DBN1: variants seen among roughly 807,000 people sequenced by gnomAD.
The protein encoded by DBN1 is drebrin 1, also known as drebrin.
A neutral mutation model predicts 83.5 loss-of-function variants in DBN1; 21 were observed. The observed-to-expected ratio is 0.25, with a 90% CI of 0.18 to 0.36. The LOEUF is 0.36. Among genes scored for constraint, DBN1 ranks in the 10% least tolerant of loss-of-function variants. The probability of loss-of-function intolerance (pLI) is 1.00; values close to 1 mark genes in which losing one functional copy is unlikely to be tolerated. For synonymous variants in DBN1, 381 were observed against 384.9 expected (o/e 0.99, Z 0.12); for missense variants, 874 against 935.7 (o/e 0.93, Z 0.86).
intron 1 of DBN1, among the ~76,000 whole-genome samples, chr5:177,469,273 G>C (rs959977012): frequency 6.6e-6 from 1 of 152,032 alleles, no homozygotes; most frequent in African/African-American, 2.4e-5. Flanking sequence ...CCATTGGCTA[G>C]TGCCAGGAAC....
At position 177,456,657 on chromosome 5, in the gene DBN1, A is replaced by G. The variant is rs1756489764; in HGVS notation, c.*776T>C. On this transcript the variant is annotated 3_prime_UTR_variant, in exon 15 of 15. Transcript: ENST00000393565. ...AACAGACATGAGCACGACCCGTTAC[A>G]GAAGTTTGTGCTTTCCAAAAAAAAA... The G allele has an allele frequency of 7.5e-6, 1 of 132,668 alleles. No homozygotes were observed. The highest frequency in any genetic ancestry group is 2.8e-5 in the African/African-American group (1 of 36,000). 8.2% of individuals were successfully genotyped at this position (132,668 alleles called of 1,614,324 possible). A position where few individuals can be genotyped will look rare whatever the true frequency, so the allele number is the denominator to read the frequency against.
chr5:177,462,503 G>C, intron 8 of DBN1: 1 of 717,112 alleles, frequency 1.4e-6, no homozygotes, highest in Non-Finnish European at 1.7e-6. Context: ...CACATCCTAA[G>C]TTCCTGTTTC....
chr5:177,468,288 C>G, intron 2 of DBN1, 68 bp from the exon 3 acceptor site: 1 of 1,433,628 alleles, frequency 7.0e-7, no homozygotes, highest in Non-Finnish European at 9.8e-7. Context: ...GCCTGGAACT[C>G]AAAGCAAAGA....
chr5:177,472,082 GC>G, intron 1 of DBN1: 2 of 1,587,834 alleles, frequency 1.3e-6, no homozygotes, highest in African/African-American at 2.7e-5. Context: ...TGGGCCGCCT[GC>G]CTGCTGAGCC....
chr5:177,473,630 G>T lies in DBN1; in HGVS notation c.-109C>A. 1.8e-6 allele frequency: 1 copy of T among 569,476 alleles called. No individual in the cohort carries two copies. Among genetic ancestry groups the T allele is most frequent in the Non-Finnish European group, 2.4e-6 (1 of 411,764 alleles). 35.3% of individuals were successfully genotyped at this position (569,476 alleles called of 1,614,324 possible). On this transcript the variant is annotated 5_prime_UTR_variant, in exon 1 of 15. Coordinates refer to ENST00000393565, the MANE Select transcript of DBN1 (RefSeq NM_001363541.2). ...GCCGCCGCCTCGGAGCCTCTGCAGC[G>T]TCGCGAGCCGAGCGAGCCAGCGGCC...
rs377549576 is a variant in DBN1 at position 177,458,300 on chromosome 5, G to A, written c.1672C>T (p.Leu558=). The stretch of plus-strand genomic sequence containing the variant: ...AGTGGCTCCGGAGCCACCTCATCCA[G>A]CAGGGGCACCTCTGCCAGGGTGACC... ...TEVTLAEVPL[L]DEVAPEPLLP... Residue 558 remains leucine, a synonymous_variant, in exon 13 of 15, where the codon CTG becomes TTG. Transcript: ENST00000393565. 1.2e-6 allele frequency: 2 copies of A among 1,613,442 alleles called. No individual in the cohort carries two copies. Among genetic ancestry groups the A allele is most frequent in the South Asian group, 1.1e-5 (1 of 91,064 alleles).
Position 177,468,851 on chromosome 5 carries a change from T to A in DBN1, c.135A>T (p.Ala45=), listed in dbSNP as rs367890615. ...AATGGCTGGAATTCCTACCTCCTGA[T>A]GCTGCAAGCTTGAGGTCATCGGAGC... is the stretch of plus-strand genomic sequence containing the variant. The part of the protein sequence containing the change: ...EDGSDDLKLA[A]SGEGGLQELS... The change falls in exon 2 of 15, where the codon GCA becomes GCT. Residue 45 remains alanine (A), a synonymous_variant. Transcript: ENST00000393565. The A allele has an allele frequency of 4.5e-6, 6 of 1,323,018 alleles. No homozygotes were observed. In the African/African-American group the frequency reaches 9.0e-5, roughly 20 times the overall value. 82.0% of individuals were successfully genotyped at this position (1,323,018 alleles called of 1,614,324 possible). A position where few individuals can be genotyped will look rare whatever the true frequency, so the allele number is the denominator to read the frequency against.
At position 177,459,238 on chromosome 5, in the gene DBN1, G is replaced by C. The variant is rs767872072; in HGVS notation, c.1124C>G (p.Ala375Gly). Residue 375 changes from alanine (A) to glycine (G), a missense_variant, in exon 12 of 15, where the codon GCG becomes GGG. Physicochemically the swap from Ala to Gly is moderately conservative, Grantham distance 60 (BLOSUM62 0). Coordinates refer to ENST00000393565, the MANE Select transcript of DBN1 (RefSeq NM_001363541.2). ...GCTCCGCGTGGGGATGGGAGTGGGC[G>C]CCATCCTCCGGTGGCTGTCCAGGTG... ...CSHLDSHRRM[A>G]PTPIPTRSPS... is the part of the protein sequence containing the mutation. The C allele has an allele frequency of 5.6e-6, 9 of 1,609,758 alleles. No individual in the cohort carries two copies. Among genetic ancestry groups the C allele is most frequent in the Non-Finnish European group, 5.9e-6 (7 of 1,179,194 alleles).
chr5:177,461,512 G>T (rs115766853), intron 8 of DBN1, among the ~76,000 whole-genome samples: 4,528 of 152,172 alleles, frequency 0.03, 100 homozygotes, highest in African/African-American at 0.057. Flanking sequence ...TTCCCTCAGG[G>T]CCCTCAGCCA....
At position 177,466,684 on chromosome 5, in the gene DBN1, GC is replaced by G; in HGVS notation, c.771+87del. 1 of 1,467,098 alleles carries G rather than the reference GC, an allele frequency of 6.8e-7. No individual in the cohort carries two copies. The highest frequency in any genetic ancestry group is 9.6e-7 in the Non-Finnish European group (1 of 1,046,482). 90.9% of individuals were successfully genotyped at this position (1,467,098 alleles called of 1,614,324 possible). Reference sequence around the variant, plus strand: ...CCAGAACAGCCACCACTGTCCCTGAGCCACTGATCTCCCCACAAGGCCCAGG... The same window carrying G: ...CCAGAACAGCCACCACTGTCCCTGAGCACTGATCTCCCCACAAGGCCCAGG... On this transcript the variant is annotated intron_variant, in intron 8 of 14. Coordinates refer to ENST00000393565, the MANE Select transcript of DBN1 (RefSeq NM_001363541.2). This position sits in a 1 kb window ranked among gnomAD's most constrained non-coding sequence, Gnocchi z 4.8.
At chr5:177,472,428 G>C in intron 1 of DBN1, 1 of 1,385,456 alleles carries the variant, frequency 7.2e-7, no homozygotes, top group Non-Finnish European at 9.3e-7. Context: ...GGGGGTTAAA[G>C]GATTCCAGGA....
intron 8 of DBN1, among the ~76,000 whole-genome samples, chr5:177,464,911 T>C (rs1757324225): frequency 6.6e-6 from 1 of 151,300 alleles, no homozygotes; most frequent in African/African-American, 2.4e-5. Context: ...TCCCAGCACT[T>C]TGGGTGGCTG....
chr5:177,457,826 C>G (rs750828425), intron 13 of DBN1, 69 bp from the exon 14 acceptor site: 1 of 1,166,168 alleles, frequency 8.6e-7, no homozygotes, highest in Admixed American at 1.9e-5. Flanking sequence ...CAGGCCTGAG[C>G]CCGTTTCCCC....
In DBN1 at chr5:177,463,006, T is replaced by C. The variant is rs532426806; in HGVS notation, c.772-2303A>G. On this transcript the variant is annotated intron_variant, in intron 8 of 14. Transcript: ENST00000393565. Reference sequence around the variant, plus strand: ...GTAATCTCAGTTGGTTCCTCTGCCTTGTTCAAAGAAAGGACCAGAGGCAAC... The same window carrying C: ...GTAATCTCAGTTGGTTCCTCTGCCTCGTTCAAAGAAAGGACCAGAGGCAAC... Among the ~76,000 whole-genome samples the C allele has an allele frequency of 4.6e-5, 7 of 152,188 alleles. No homozygotes were observed. In the East Asian group the frequency reaches 1.4e-3, roughly 29 times the overall value.
In DBN1 at chr5:177,467,439, G is replaced by A. The variant is rs897847064; in HGVS notation, c.477+42C>T. 3 of 1,610,690 alleles carry A rather than the reference G, an allele frequency of 1.9e-6. No homozygotes were observed. The highest frequency in any genetic ancestry group is 2.5e-6 in the Non-Finnish European group (3 of 1,177,796). ...CCGGGCAGGCCAGACTCGGGCACCA[G>A]GCCACGCAGGCAGAGCCCACGGGTG... On this transcript the variant is annotated intron_variant, in intron 5 of 14. Transcript: ENST00000393565. The surrounding 1 kb of genome is among the most constrained non-coding windows in gnomAD (Gnocchi z 9.1).
At chr5:177,469,322 C>T (rs909661616) in intron 1 of DBN1, among the ~76,000 whole-genome samples, 6 of 151,996 alleles carry the variant, frequency 3.9e-5, no homozygotes, top group South Asian at 2.1e-4. Flanking sequence ...GCCCCTCCCC[C>T]GGGGAGGGAG....
chr5:177,460,411 G>A, intron 10 of DBN1, 21 bp downstream of exon 10: 1 of 1,612,906 alleles, frequency 6.2e-7, no homozygotes, highest in Non-Finnish European at 8.5e-7. Context: ...GGGCCGGACG[G>A]GGGGTGGGGC....
chr5:177,467,947 G>A lies in DBN1; in HGVS notation c.256-130C>T, dbSNP rs1757571944. 3 of 1,370,738 alleles carry A rather than the reference G, an allele frequency of 2.2e-6. No homozygotes were observed. Among genetic ancestry groups the A allele is most frequent in the African/African-American group, 1.4e-5 (1 of 69,832 alleles). 84.9% of individuals were successfully genotyped at this position (1,370,738 alleles called of 1,614,324 possible). On this transcript the variant is annotated intron_variant, in intron 3 of 14. Coordinates refer to ENST00000393565, the MANE Select transcript of DBN1 (RefSeq NM_001363541.2). This position sits in a 1 kb window ranked among gnomAD's most constrained non-coding sequence, Gnocchi z 9.1. ...CGGGTGTCAGAGGGCCGACGGGGAG[G>A]GCGACTGCTCTGGGCCTTCAGTTCC...
chr5:177,458,968 C>G lies in DBN1; in HGVS notation c.1264+130G>C, dbSNP rs922246317. On this transcript the variant is annotated intron_variant, in intron 12 of 14. Coordinates refer to ENST00000393565, the MANE Select transcript of DBN1 (RefSeq NM_001363541.2). ...ACACCAGGGCTCCTCCCCACACAGC[C>G]GCCTCCAGGGCAGTGCAGTCTTGGT... 19 of 1,455,008 alleles carry G rather than the reference C, an allele frequency of 1.3e-5. No individual in the cohort carries two copies. In the East Asian group the frequency reaches 4.4e-4, roughly 33 times the overall value. The allele number at this position is 1,455,008 out of a possible 1,614,324, so 90.1% of individuals were successfully genotyped here.
Sources: allele counts gnomAD v4.1 joint callset (sites outside exome capture counted in the v4.1 genomes callset), GRCh38; gene constraint gnomAD v4.1.1; non-coding constraint Gnocchi (gnomAD v3.1); transcripts MANE v1.5; gene names NCBI Gene and HGNC (gene_info 2026-07-23, HGNC 2026-07-21).